Variants in ULK4 observed in about 807,000 individuals in gnomAD.
The protein encoded by ULK4 is inactive serine/threonine-protein kinase ULK4.
In ULK4, 133 loss-of-function variants were observed where a neutral mutation model predicts 160.6. The ratio of observed to expected loss-of-function variants is 0.83; its 90% CI spans 0.72 to 0.96. The LOEUF (loss-of-function observed/expected upper bound fraction) is 0.96, where lower values mean the gene tolerates loss of function less well. Ranked by LOEUF, ULK4 falls within the 40% of genes least tolerant of loss-of-function variation. The pLI is 0.00. For synonymous variants in ULK4, 534 were observed against 539.8 expected (o/e 0.99, Z 0.15); for missense variants, 1,580 against 1,499.5 (o/e 1.05, Z -0.89).
At chr3:41,819,086 A>G (rs1305459489) in intron 19 of ULK4, among the ~76,000 whole-genome samples, 7 of 152,228 alleles carry the variant, frequency 4.6e-5, no homozygotes, top group Admixed American at 4.6e-4. Context: ...AATTCGCTGC[A>G]TACACCTTGC....
chr3:41,290,022 C>T (rs1415918840), intron 35 of ULK4, among the ~76,000 whole-genome samples: 3 of 152,032 alleles, frequency 2.0e-5, no homozygotes, highest in Non-Finnish European at 2.9e-5. Flanking sequence ...ATTGCAGGCA[C>T]GTGCCACCAC....
chr3:41,550,348 C>G (rs1236489990), intron 32 of ULK4, among the ~76,000 whole-genome samples: 1 of 152,024 alleles, frequency 6.6e-6, no homozygotes, highest in Non-Finnish European at 1.5e-5. Flanking sequence ...TATAGACTAG[C>G]TGAGTGAATT....
rs1553666744 is a variant in ULK4 at position 41,831,531 on chromosome 3, A to AT, written c.1764+4332dup. Among the ~76,000 whole-genome samples the AT allele has an allele frequency of 5.5e-3, 762 of 138,124 alleles. 16 individuals carry two copies. The highest frequency in any genetic ancestry group is 0.02 in the African/African-American group (689 of 35,272). The allele number at this position is 138,124 out of a possible 152,430, so 90.6% of individuals were successfully genotyped here. Reference sequence around the variant, plus strand: ...TTATTGTTATTTTATATATATATATATTTTTTTTTCTTTCTTAAACTTTAG... The same window carrying AT: ...TTATTGTTATTTTATATATATATATATTTTTTTTTTCTTTCTTAAACTTTAG... On this transcript the variant is annotated intron_variant, in intron 18 of 36. Transcript: ENST00000301831.
chr3:41,869,140 CTT>C (rs1219788525), intron 17 of ULK4: 1 of 151,838 alleles, frequency 6.6e-6, no homozygotes, highest in Non-Finnish European at 1.5e-5. Context: ...AGTAATTACT[CTT>C]GTTTTTCAGG....
chr3:41,283,503 T>C (rs940477537), intron 35 of ULK4, among the ~76,000 whole-genome samples: 2 of 152,160 alleles, frequency 1.3e-5, no homozygotes, highest in Non-Finnish European at 2.9e-5. Flanking sequence ...TGCAGGGACA[T>C]GGATGAAGCT....
At chr3:41,430,026 T>C (rs907660360) in intron 34 of ULK4, among the ~76,000 whole-genome samples, 2 of 152,314 alleles carry the variant, frequency 1.3e-5, no homozygotes, top group Non-Finnish European at 2.9e-5. Context: ...CCTAATTTCC[T>C]TTCTGAAGAG....
intron 12 of ULK4, among the ~76,000 whole-genome samples, chr3:41,904,610 T>C (rs1698488691): frequency 6.6e-6 from 1 of 152,182 alleles, no homozygotes; most frequent in Non-Finnish European, 1.5e-5. Flanking sequence ...TTTACATTGA[T>C]TTTCTATTTC....
intron 32 of ULK4, among the ~76,000 whole-genome samples, chr3:41,484,458 C>CTTTTTTTTTTTTTTTTTTTTTTTTTTTT (rs369059587): frequency 7.4e-6 from 1 of 134,868 alleles, no homozygotes. Context: ...CTTTCTTTTC[C>CTTTTTTTTTTTTTTTTTTTTTTTTTTTT]TTTTTTTGTT....
intron 19 of ULK4, among the ~76,000 whole-genome samples, chr3:41,803,230 A>G (rs1162504438): frequency 1.3e-5 from 2 of 152,046 alleles, no homozygotes; most frequent in Non-Finnish European, 2.9e-5. Flanking sequence ...CAGGAAGGAC[A>G]TTGGATAACA....
rs71075483 is a variant in ULK4, at chr3:41,721,333, AATATAT to A, written c.2322-3478_2322-3473del. 4.9e-3 allele frequency among the ~76,000 whole-genome samples: 132 copies of A among 26,938 alleles called. 3 individuals carry two copies. The highest frequency in any genetic ancestry group is 0.018 in the African/African-American group (108 of 6,004). The allele number at this position is 26,938 out of a possible 152,430, so 17.7% of individuals were successfully genotyped here. A position where few individuals can be genotyped will look rare whatever the true frequency, so the allele number is the denominator to read the frequency against. Reference sequence around the variant, plus strand: ...TTACCTACTCAAAGCTTTTAATGTAAATATATATATATATATATATATATATATATT... The same window carrying A: ...TTACCTACTCAAAGCTTTTAATGTAAATATATATATATATATATATATATT... On this transcript the variant is annotated intron_variant, in intron 22 of 36. Coordinates refer to ENST00000301831, the MANE Select transcript of ULK4 (RefSeq NM_017886.4).
At chr3:41,401,599 G>A (rs921205771) in intron 34 of ULK4, among the ~76,000 whole-genome samples, 1 of 152,120 alleles carries the variant, frequency 6.6e-6, no homozygotes, top group East Asian at 1.9e-4. Context: ...GTCAACCATG[G>A]CAACAATGTG....
At chr3:41,660,410 A>G (rs1292498279) in intron 30 of ULK4, among the ~76,000 whole-genome samples, 1 of 152,232 alleles carries the variant, frequency 6.6e-6, no homozygotes, top group Non-Finnish European at 1.5e-5. Flanking sequence ...AACAGAATAA[A>G]CAGAGAAAGA....
At chr3:41,710,385 G>C (rs1029156805) in intron 25 of ULK4, among the ~76,000 whole-genome samples, 12 of 152,138 alleles carry the variant, frequency 7.9e-5, no homozygotes, top group Non-Finnish European at 1.5e-4. Flanking sequence ...TGGCTGATGT[G>C]AATTTTAAGA....
intron 35 of ULK4, among the ~76,000 whole-genome samples, chr3:41,287,241 G>A (rs2079478148): frequency 6.6e-6 from 1 of 152,172 alleles, no homozygotes; most frequent in Non-Finnish European, 1.5e-5. Context: ...AGCAGGCAAG[G>A]GGTTCATAAA....
intron 32 of ULK4, among the ~76,000 whole-genome samples, chr3:41,486,022 G>A (rs936601562): frequency 6.6e-6 from 1 of 152,148 alleles, no homozygotes; most frequent in Non-Finnish European, 1.5e-5. Context: ...GGAAACTGCC[G>A]TTCCTTGGTT....
At chr3:41,667,440 A>T (rs950385016) in intron 29 of ULK4, among the ~76,000 whole-genome samples, 2 of 152,244 alleles carry the variant, frequency 1.3e-5, no homozygotes, top group Admixed American at 1.3e-4. Flanking sequence ...AGCAAGATCT[A>T]GCCAAAAGTA....
intron 35 of ULK4, among the ~76,000 whole-genome samples, chr3:41,373,642 T>C (rs543176457): frequency 2.0e-5 from 3 of 152,342 alleles, no homozygotes; most frequent in Admixed American, 1.3e-4. Context: ...AAGCAGTGTT[T>C]AGAGGGAAAT....
At chr3:41,288,930 T>C (rs1264044370) in intron 35 of ULK4, among the ~76,000 whole-genome samples, 1 of 152,114 alleles carries the variant, frequency 6.6e-6, no homozygotes, top group Non-Finnish European at 1.5e-5. Flanking sequence ...CTCACTCTGT[T>C]CAGGTTCACG....
intron 32 of ULK4, among the ~76,000 whole-genome samples, chr3:41,524,502 C>T (rs1266623973): frequency 2.0e-5 from 3 of 152,190 alleles, no homozygotes; most frequent in Admixed American, 2.0e-4. Flanking sequence ...GTCAGCACCA[C>T]AATCCCTAAA....
Sources: gnomAD v4.1 joint callset for allele counts (sites outside exome capture counted in the v4.1 genomes callset) on GRCh38, gnomAD v4.1.1 for gene constraint, MANE v1.5 for transcripts, NCBI Gene and HGNC (gene_info 2026-07-23, HGNC 2026-07-21) for gene names.